OSBPL3: variants seen among roughly 807,000 people sequenced by gnomAD.
The protein encoded by OSBPL3 is oxysterol-binding protein-related protein 3.
In OSBPL3, 65 loss-of-function variants were observed where a neutral mutation model predicts 120.1. That is an observed-to-expected ratio of 0.54 (90% CI 0.44 to 0.67). The LOEUF (loss-of-function observed/expected upper bound fraction) is 0.67. OSBPL3 is among the 30% of genes least tolerant of loss of function. OSBPL3 has a pLI of 0.00. For missense variants in OSBPL3, 1,004 were observed against 1,082.1 expected (o/e 0.93, Z 1.01); for synonymous variants, 416 against 402.6 (o/e 1.03, Z -0.40).
At chr7:24,856,918 AT>A (rs1799908296) in intron 10 of OSBPL3, among the ~76,000 whole-genome samples, 1 of 152,176 alleles carries the variant, frequency 6.6e-6, no homozygotes, top group African/African-American at 2.4e-5. Flanking sequence ...TTCCATCCAA[AT>A]TGATTTAGAT....
At chr7:24,908,353 T>G (rs1295357697) in intron 1 of OSBPL3, among the ~76,000 whole-genome samples, 1 of 152,224 alleles carries the variant, frequency 6.6e-6, no homozygotes, top group Admixed American at 6.5e-5. Context: ...AGTGGGTGAT[T>G]ATCTGATTGA....
At position 24,898,063 on chromosome 7, in the gene OSBPL3, T is replaced by G. The variant is rs1806436812; in HGVS notation, c.-149-5442A>C. ...TTAAGTGGGATATCTATTTCTGGTC[T>G]TTAATAAAATAAAATTATTCAAATC... On this transcript the variant is annotated intron_variant, in intron 1 of 22. Transcript: ENST00000313367. The surrounding 1 kb of genome is among the most constrained non-coding windows in gnomAD (Gnocchi z 4.3). Among the ~76,000 whole-genome samples the G allele has an allele frequency of 6.6e-6, 1 of 152,254 alleles. No individual in the cohort carries two copies. Among genetic ancestry groups the G allele is most frequent in the Admixed American group, 6.5e-5 (1 of 15,288 alleles).
chr7:24,834,216 G>C lies in OSBPL3; in HGVS notation c.1746+270C>G. The stretch of plus-strand genomic sequence containing the variant: ...GGAACAATCAGCCAGAAGGCTTCTG[G>C]AGAAAGAGGAAGCACAAACCCACAG... On this transcript the variant is annotated intron_variant, in intron 15 of 22. Transcript: ENST00000313367. The surrounding 1 kb of genome is among the most constrained non-coding windows in gnomAD (Gnocchi z 5.2). The C allele has an allele frequency of 1.7e-6, 2 of 1,173,852 alleles. No homozygotes were observed. Among genetic ancestry groups the C allele is most frequent in the Non-Finnish European group, 2.1e-6 (2 of 940,134 alleles). The allele number at this position is 1,173,852 out of a possible 1,614,324, so 72.7% of individuals were successfully genotyped here. A position where few individuals can be genotyped will look rare whatever the true frequency, so the allele number is the denominator to read the frequency against.
chr7:24,897,094 G>GAGGA (rs1806255424), intron 1 of OSBPL3, among the ~76,000 whole-genome samples: 1 of 151,478 alleles, frequency 6.6e-6, no homozygotes, highest in Non-Finnish European at 1.5e-5. Context: ...GGGAGGGAGG[G>GAGGA]AGGAAGGAAG....
chr7:24,933,091 T>G lies in OSBPL3; in HGVS notation c.-149-40470A>C, dbSNP rs1298459461. Among the ~76,000 whole-genome samples the G allele has an allele frequency of 6.6e-6, 1 of 152,220 alleles. No homozygotes were observed. Among genetic ancestry groups the G allele is most frequent in the Non-Finnish European group, 1.5e-5 (1 of 68,028 alleles). On this transcript the variant is annotated intron_variant, in intron 1 of 22. Coordinates refer to ENST00000313367, the MANE Select transcript of OSBPL3 (RefSeq NM_015550.4). The surrounding 1 kb of genome is among the most constrained non-coding windows in gnomAD (Gnocchi z 5.1). ...AATAGTTTAATAAGGCCAGCAGTGA[T>G]TCAGAGAGTAATAACAGGCCACGCA... is the stretch of plus-strand genomic sequence containing the variant.
chr7:24,961,418 C>A (rs755424518), intron 1 of OSBPL3, among the ~76,000 whole-genome samples: 1 of 152,000 alleles, frequency 6.6e-6, no homozygotes, highest in African/African-American at 2.4e-5. Context: ...GTTTATGTAC[C>A]CCACAAAAAC....
intron 2 of OSBPL3, among the ~76,000 whole-genome samples, chr7:24,875,289 A>G (rs186845507): frequency 6.6e-6 from 1 of 152,284 alleles, no homozygotes; most frequent in East Asian, 1.9e-4. Context: ...GTCTCCTACT[A>G]TTTTAGAGAA....
chr7:24,857,387 A>G (rs1349080381), intron 10 of OSBPL3, among the ~76,000 whole-genome samples: 1 of 152,112 alleles, frequency 6.6e-6, no homozygotes, highest in Non-Finnish European at 1.5e-5. Context: ...AAATCTCCTC[A>G]CCAAGTTTGG....
chr7:24,956,559 T>C (rs1159566067), intron 1 of OSBPL3, among the ~76,000 whole-genome samples: 1 of 152,222 alleles, frequency 6.6e-6, no homozygotes, highest in Admixed American at 6.5e-5. Flanking sequence ...CCATCTTCCT[T>C]TGTCTTACGC....
At chr7:24,911,697 G>A (rs952219499) in intron 1 of OSBPL3, among the ~76,000 whole-genome samples, 2 of 152,218 alleles carry the variant, frequency 1.3e-5, no homozygotes, top group Middle Eastern at 3.4e-3. Flanking sequence ...CTGCAGGGGC[G>A]ATAATAATTC....
Position 24,808,145 on chromosome 7 carries a change from C to T in OSBPL3, c.2318-1243G>A, listed in dbSNP as rs1189357420. 1.3e-5 allele frequency among the ~76,000 whole-genome samples: 2 copies of T among 152,192 alleles called. No individual in the cohort carries two copies. Among genetic ancestry groups the T allele is most frequent in the African/African-American group, 4.8e-5 (2 of 41,450 alleles). On this transcript the variant is annotated intron_variant, in intron 20 of 22. Coordinates refer to ENST00000313367, the MANE Select transcript of OSBPL3 (RefSeq NM_015550.4). This position sits in a 1 kb window ranked among gnomAD's most constrained non-coding sequence, Gnocchi z 4.6. ...TGAACTCCTGGCCTTAAACAATCTG[C>T]CTGCCTTGGCTTCCCAAAGTGCTGG...
At chr7:24,870,711 C>A in intron 5 of OSBPL3, 21 bp downstream of exon 5, 9 of 1,414,336 alleles carry the variant, frequency 6.4e-6, no homozygotes, top group Non-Finnish European at 9.0e-6. Flanking sequence ...GTGAACTCTG[C>A]ACAGTGGGAA....
rs1184205915 is a variant in OSBPL3 at position 24,964,880 on chromosome 7, TAAGTA to T, written c.-150+15001_-150+15005del. 1.3e-5 allele frequency among the ~76,000 whole-genome samples: 2 copies of T among 152,256 alleles called. No individual in the cohort carries two copies. Among genetic ancestry groups the T allele is most frequent in the Admixed American group, 1.3e-4 (2 of 15,292 alleles). On this transcript the variant is annotated intron_variant, in intron 1 of 22. Coordinates refer to ENST00000313367, the MANE Select transcript of OSBPL3 (RefSeq NM_015550.4). This position sits in a 1 kb window ranked among gnomAD's most constrained non-coding sequence, Gnocchi z 4.2. The stretch of plus-strand genomic sequence containing the variant: ...TTTGTGTTGGGGGCTGTGATTAAAA[TAAGTA>T]AAGTTGGACAAACATTGAGCAATAC...
chr7:24,979,416 C>A (rs938760731), intron 1 of OSBPL3, among the ~76,000 whole-genome samples: 1 of 152,148 alleles, frequency 6.6e-6, no homozygotes, highest in South Asian at 2.1e-4. Flanking sequence ...GGAAGGCGGG[C>A]GAGCGGAGCG....
intron 7 of OSBPL3, among the ~76,000 whole-genome samples, chr7:24,864,539 TC>T (rs1259979791): frequency 6.6e-6 from 1 of 152,216 alleles, no homozygotes; most frequent in Admixed American, 6.5e-5. Context: ...GCCTACATGG[TC>T]CCAAGGGTGA....
intron 1 of OSBPL3, among the ~76,000 whole-genome samples, chr7:24,977,764 G>A (rs1584781983): frequency 6.6e-6 from 1 of 152,212 alleles, no homozygotes; most frequent in South Asian, 2.1e-4. Flanking sequence ...GCTGAGGCAG[G>A]AGAATGGCAT....
intron 5 of OSBPL3, among the ~76,000 whole-genome samples, chr7:24,868,492 C>A (rs751487666): frequency 1.3e-5 from 2 of 151,654 alleles, no homozygotes; most frequent in Non-Finnish European, 2.9e-5. Context: ...AAAGGATGCA[C>A]AGTAGGTTAA....
At chr7:24,826,954 G>C (rs1157411793) in intron 16 of OSBPL3, among the ~76,000 whole-genome samples, 1 of 152,074 alleles carries the variant, frequency 6.6e-6, no homozygotes, top group African/African-American at 2.4e-5. Flanking sequence ...AAAATCAAGG[G>C]GCTTGGAAGA....
At chr7:24,961,705 C>T (rs1815759710) in intron 1 of OSBPL3, among the ~76,000 whole-genome samples, 1 of 152,212 alleles carries the variant, frequency 6.6e-6, no homozygotes, top group African/African-American at 2.4e-5. Flanking sequence ...TCATAAACTT[C>T]CCCATTTCTG....
Sources: gnomAD v4.1 joint callset for allele counts (sites outside exome capture counted in the v4.1 genomes callset) on GRCh38, gnomAD v4.1.1 for gene constraint, Gnocchi (gnomAD v3.1) non-coding constraint, MANE v1.5 for transcripts, NCBI Gene and HGNC (gene_info 2026-07-23, HGNC 2026-07-21) for gene names.